VCL: variants seen among roughly 807,000 people sequenced by gnomAD.
VCL encodes the protein epididymis luminal protein 114.
A neutral mutation model predicts 125.7 loss-of-function variants in VCL; 47 were observed. The ratio of observed to expected loss-of-function variants is 0.37; its 90% CI spans 0.30 to 0.48. The LOEUF (loss-of-function observed/expected upper bound fraction) is 0.48, where lower values mean the gene tolerates loss of function less well. VCL is among the 20% of genes least tolerant of loss of function. VCL has a pLI of 0.99. For missense variants in VCL, 1,069 were observed against 1,455.5 expected (o/e 0.73, Z 4.32); for synonymous variants, 458 against 514.6 (o/e 0.89, Z 1.49).
intron 8 of VCL, among the ~76,000 whole-genome samples, chr10:74,084,549 A>G (rs1839736369): frequency 6.9e-6 from 1 of 144,350 alleles, no homozygotes; most frequent in Non-Finnish European, 1.5e-5. Context: ...GGCTTCCAAA[A>G]GTGCTGGGAT....
chr10:74,089,237 A>C lies in VCL; in HGVS notation c.1064A>C (p.Gln355Pro). The change falls in exon 9 of 22, where the codon CAG becomes CCG. Residue 355 changes from glutamine (Q) to proline (P), a missense_variant. By Grantham distance (76) the Gln-to-Pro change is moderately conservative (BLOSUM62 -1). Coordinates refer to ENST00000211998, the MANE Select transcript of VCL (RefSeq NM_014000.3). ...CCGGTGGCCATGCAGAAAGCTCAGC[A>C]GGTATCTCAGGGTCTGGATGTGCTC... ...SSPVAMQKAQ[Q>P]VSQGLDVLTA... is the part of the protein sequence containing the mutation. The C allele has an allele frequency of 6.2e-7, 1 of 1,614,148 alleles. No individual in the cohort carries two copies. Among genetic ancestry groups the C allele is most frequent in the South Asian group, 1.1e-5 (1 of 91,056 alleles).
rs1004316068 is a variant in VCL at position 73,998,151 on chromosome 10, G to A, written c.-57G>A. 1.9e-6 allele frequency: 3 copies of A among 1,587,728 alleles called. No homozygotes were observed. In the African/African-American group the frequency reaches 4.0e-5, roughly 21 times the overall value. On this transcript the variant is annotated 5_prime_UTR_variant, in exon 1 of 22. Coordinates refer to ENST00000211998, the MANE Select transcript of VCL (RefSeq NM_014000.3). ...CAGTCTGTCTCTTCGCCGGTTCCCG[G>A]CCCCGTGGATCCTACTTCTCTGTCG...
chr10:74,011,501 A>G (rs969955423), intron 1 of VCL, among the ~76,000 whole-genome samples: 10 of 151,982 alleles, frequency 6.6e-5, no homozygotes, highest in African/African-American at 1.4e-4. Context: ...TCTTCATATT[A>G]TTGGTTCTGT....
chr10:74,018,189 T>TATATATATATATATATATATATATATG (rs1296797514), intron 1 of VCL, among the ~76,000 whole-genome samples: 1 of 138,806 alleles, frequency 7.2e-6, no homozygotes, highest in Admixed American at 7.4e-5. Flanking sequence ...TATATATATA[T>TATATATATATATATATATATATATATG]ATATATATAT....
intron 1 of VCL, among the ~76,000 whole-genome samples, chr10:74,037,869 G>T (rs1841011989): frequency 1.3e-5 from 2 of 152,174 alleles, no homozygotes; most frequent in African/African-American, 4.8e-5. Context: ...ATACAGTGAG[G>T]GTCTCATGGA....
chr10:74,002,440 A>C (rs1218797159), intron 1 of VCL, among the ~76,000 whole-genome samples: 1 of 152,078 alleles, frequency 6.6e-6, no homozygotes. Flanking sequence ...GGAAATCTTA[A>C]GTGGCACTGA....
At chr10:74,059,988 C>A (rs192026033) in intron 2 of VCL, among the ~76,000 whole-genome samples, 27 of 152,032 alleles carry the variant, frequency 1.8e-4, no homozygotes, top group Admixed American at 3.9e-4. Context: ...CATAGGGAGA[C>A]CTTGTCTGTA....
intron 11 of VCL, among the ~76,000 whole-genome samples, chr10:74,095,370 C>T (rs1839951233): frequency 1.3e-5 from 2 of 152,182 alleles, no homozygotes; most frequent in South Asian, 4.1e-4. Flanking sequence ...GTGGGTGGAT[C>T]GCCTGAACTC....
intron 21 of VCL, among the ~76,000 whole-genome samples, chr10:74,115,886 C>T (rs1291683711): frequency 6.6e-6 from 1 of 152,142 alleles, no homozygotes; most frequent in Non-Finnish European, 1.5e-5. Flanking sequence ...AAATCTTGGC[C>T]CAGGTCTTTC....
chr10:74,024,699 T>C (rs371741224), intron 1 of VCL, among the ~76,000 whole-genome samples: 2 of 152,204 alleles, frequency 1.3e-5, no homozygotes, highest in African/African-American at 4.8e-5. Flanking sequence ...TCTACAGTGT[T>C]GGTCAGTACT....
At position 73,998,252 on chromosome 10, in the gene VCL, G is replaced by A. The variant is rs775062250; in HGVS notation, c.45G>A (p.Pro15=). The A allele has an allele frequency of 5.1e-5, 83 of 1,612,514 alleles. No individual in the cohort carries two copies. Among genetic ancestry groups the A allele is most frequent in the Non-Finnish European group, 6.7e-5 (79 of 1,179,378 alleles). The stretch of plus-strand genomic sequence containing the variant: ...GCACGATCGAGAGCATCCTGGAGCC[G>A]GTGGCACAGCAGATCTCCCACCTGG... ...HTRTIESILE[P]VAQQISHLVI... is the part of the protein sequence containing the mutation. Residue 15 remains proline, a synonymous_variant, in exon 1 of 22, where the codon CCG becomes CCA. Coordinates refer to ENST00000211998, the MANE Select transcript of VCL (RefSeq NM_014000.3).
At chr10:74,088,654 C>T (rs1406902579) in intron 8 of VCL, among the ~76,000 whole-genome samples, 1 of 152,000 alleles carries the variant, frequency 6.6e-6, no homozygotes, top group East Asian at 1.9e-4. Flanking sequence ...AATGGAAACC[C>T]AGGGAGGTTA....
intron 1 of VCL, among the ~76,000 whole-genome samples, chr10:74,005,589 T>A (rs1328882053): frequency 6.6e-6 from 1 of 152,184 alleles, no homozygotes; most frequent in Non-Finnish European, 1.5e-5. Context: ...CAATCATTTT[T>A]AACATTTACT....
At chr10:74,031,619 A>G (rs940817900) in intron 1 of VCL, among the ~76,000 whole-genome samples, 3 of 152,204 alleles carry the variant, frequency 2.0e-5, no homozygotes, top group Admixed American at 6.5e-5. Flanking sequence ...AAAAAAGCAC[A>G]AGCAACCAAA....
chr10:74,023,721 G>C (rs527381215), intron 1 of VCL, among the ~76,000 whole-genome samples: 1 of 152,272 alleles, frequency 6.6e-6, no homozygotes, highest in Admixed American at 6.5e-5. Context: ...TTCTATAAAA[G>C]TCTTTTTCTT....
intron 1 of VCL, among the ~76,000 whole-genome samples, chr10:74,015,861 T>C (rs939164975): frequency 3.3e-5 from 5 of 151,980 alleles, no homozygotes; most frequent in African/African-American, 9.7e-5. Context: ...ATTTTTGTAG[T>C]TTTAGTAGAG....
At chr10:74,024,379 G>C (rs928918102) in intron 1 of VCL, among the ~76,000 whole-genome samples, 14 of 152,216 alleles carry the variant, frequency 9.2e-5, no homozygotes, top group Admixed American at 8.5e-4. Context: ...GGGAGGCCAA[G>C]GTGGGAGGAT....
chr10:74,000,573 G>T (rs1591643166), intron 1 of VCL, among the ~76,000 whole-genome samples: 1 of 152,112 alleles, frequency 6.6e-6, no homozygotes, highest in East Asian at 1.9e-4. Flanking sequence ...CACCACCGTG[G>T]CCAGCTAATT....
intron 1 of VCL, among the ~76,000 whole-genome samples, chr10:74,020,763 C>T (rs1469276578): frequency 1.4e-5 from 2 of 141,074 alleles, no homozygotes; most frequent in East Asian, 4.1e-4. Flanking sequence ...GTCACTTGAG[C>T]CCTGGAGGTT....
Sources: allele counts gnomAD v4.1 joint callset (sites outside exome capture counted in the v4.1 genomes callset), GRCh38; gene constraint gnomAD v4.1.1; transcripts MANE v1.5; gene names NCBI Gene and HGNC (gene_info 2026-07-23, HGNC 2026-07-21).